The following SGCZ variants were observed in gnomAD, a reference collection of about 807,000 sequenced individuals.
SGCZ encodes the protein sarcoglycan zeta.
A neutral mutation model predicts 41.3 loss-of-function variants in SGCZ; 40 were observed. That is an observed-to-expected ratio of 0.97 (90% confidence interval 0.75 to 1.26). SGCZ has a LOEUF of 1.26. Among genes scored for constraint, SGCZ ranks in the 50% most tolerant of loss-of-function variants. SGCZ has a pLI of 0.00. For synonymous variants in SGCZ, 206 were observed against 137.5 expected (o/e 1.50, Z -3.49); for missense variants, 552 against 369.8 (o/e 1.49, Z -4.04).
chr8:14,087,709 A>AT lies in SGCZ; in HGVS notation c.*2733dup, dbSNP rs56942554. 0.039 allele frequency among the ~76,000 whole-genome samples: 4,820 copies of AT among 123,966 alleles called. 252 individuals carry two copies. Among genetic ancestry groups the AT allele is most frequent in the African/African-American group, 0.17 (4,553 of 26,098 alleles). 81.3% of individuals were successfully genotyped at this position (123,966 alleles called of 152,430 possible). A position where few individuals can be genotyped will look rare whatever the true frequency, so the allele number is the denominator to read the frequency against. ...TACTGTGCAATTAAGGGACCACTATATTTTTAAAAAAAAAAAAATGCTTTT... is the reference window on the plus strand; with the variant it reads ...TACTGTGCAATTAAGGGACCACTATATTTTTTAAAAAAAAAAAAATGCTTTT... On this transcript the variant is annotated 3_prime_UTR_variant, in exon 8 of 8. Coordinates refer to ENST00000382080, the MANE Select transcript of SGCZ (RefSeq NM_139167.4).
intron 2 of SGCZ, among the ~76,000 whole-genome samples, chr8:14,420,247 A>T (rs1799603120): frequency 6.6e-6 from 1 of 152,006 alleles, no homozygotes; most frequent in South Asian, 2.1e-4. Flanking sequence ...TGATTCTCCT[A>T]AAGAAGACTA....
At chr8:14,187,681 T>A (rs1396040177) in intron 4 of SGCZ, among the ~76,000 whole-genome samples, 2 of 151,306 alleles carry the variant, frequency 1.3e-5, no homozygotes, top group East Asian at 1.9e-4. Context: ...GAAAAAAGAA[T>A]GAAAAAAATG....
intron 2 of SGCZ, among the ~76,000 whole-genome samples, chr8:14,537,030 C>T (rs974406598): frequency 6.6e-6 from 1 of 151,886 alleles, no homozygotes; most frequent in African/African-American, 2.4e-5. Flanking sequence ...GATTTTAACA[C>T]AAGCCAGGCA....
At chr8:15,083,758 GT>G (rs1430065137) in intron 1 of SGCZ, among the ~76,000 whole-genome samples, 1 of 151,840 alleles carries the variant, frequency 6.6e-6, no homozygotes, top group East Asian at 1.9e-4. Flanking sequence ...TGTTGTTGTT[GT>G]TTTGTCTTGT....
chr8:14,246,006 A>G (rs1563209516), intron 3 of SGCZ, among the ~76,000 whole-genome samples: 1 of 152,198 alleles, frequency 6.6e-6, no homozygotes, highest in Non-Finnish European at 1.5e-5. Context: ...GTGGGACTGT[A>G]AACTAGTTCA....
chr8:14,472,348 G>A (rs1468687195), intron 2 of SGCZ, among the ~76,000 whole-genome samples: 3 of 152,078 alleles, frequency 2.0e-5, no homozygotes, highest in East Asian at 1.9e-4. Context: ...TTGAAAGCCA[G>A]AGAGGTATTT....
intron 1 of SGCZ, among the ~76,000 whole-genome samples, chr8:14,755,123 T>C (rs554698234): frequency 2.0e-5 from 3 of 152,292 alleles, no homozygotes; most frequent in African/African-American, 7.2e-5. Flanking sequence ...ATATATTTTT[T>C]CTGTAATTTT....
At chr8:15,159,332 G>GAA (rs77380784) in intron 1 of SGCZ, among the ~76,000 whole-genome samples, 2 of 151,756 alleles carry the variant, frequency 1.3e-5, no homozygotes, top group Admixed American at 1.3e-4. Context: ...ATAAGAAACT[G>GAA]AAAAAAACAT....
chr8:15,189,345 G>A (rs1357260757), intron 1 of SGCZ, among the ~76,000 whole-genome samples: 1 of 152,100 alleles, frequency 6.6e-6, no homozygotes, highest in Non-Finnish European at 1.5e-5. Context: ...GCAAACATAC[G>A]TTTTCTCTAG....
At position 14,090,227 on chromosome 8, in the gene SGCZ, C is replaced by G. The variant is rs1165042804; in HGVS notation, c.*216G>C. Reference sequence around the variant, plus strand: ...AGTCATGATCCAGTTTTCCTGCTGACGACGCTTTTTCCACTGCTGTGTCAA... The same window carrying G: ...AGTCATGATCCAGTTTTCCTGCTGAGGACGCTTTTTCCACTGCTGTGTCAA... On this transcript the variant is annotated 3_prime_UTR_variant, in exon 8 of 8. Transcript: ENST00000382080. 1 of 402,238 alleles carries G rather than the reference C, an allele frequency of 2.5e-6. No homozygotes were observed. The highest frequency in any genetic ancestry group is 4.3e-6 in the Non-Finnish European group (1 of 229,968). The allele number at this position is 402,238 out of a possible 1,614,324, so 24.9% of individuals were successfully genotyped here. A position where few individuals can be genotyped will look rare whatever the true frequency, so the allele number is the denominator to read the frequency against.
chr8:14,343,051 C>T (rs1479136256), intron 2 of SGCZ, among the ~76,000 whole-genome samples: 1 of 152,166 alleles, frequency 6.6e-6, no homozygotes, highest in East Asian at 1.9e-4. Context: ...AGGGTGGAAG[C>T]CCCAAGCCTT....
intron 3 of SGCZ, among the ~76,000 whole-genome samples, chr8:14,319,803 G>C (rs1166098904): frequency 6.6e-6 from 1 of 152,002 alleles, no homozygotes; most frequent in African/African-American, 2.4e-5. Flanking sequence ...CTGGAGAGCA[G>C]CTAATCATCT....
At chr8:14,606,806 T>G (rs545216735) in intron 1 of SGCZ, among the ~76,000 whole-genome samples, 3 of 152,320 alleles carry the variant, frequency 2.0e-5, no homozygotes, top group African/African-American at 7.2e-5. Context: ...GTTTATTTTT[T>G]GTTGCTGTTA....
At chr8:15,096,651 T>A (rs745838985) in intron 1 of SGCZ, among the ~76,000 whole-genome samples, 2 of 152,146 alleles carry the variant, frequency 1.3e-5, no homozygotes, top group African/African-American at 4.8e-5. Context: ...ATTGTAAATA[T>A]CTTTTTAATT....
intron 1 of SGCZ, among the ~76,000 whole-genome samples, chr8:14,906,134 G>A (rs1402400934): frequency 6.6e-6 from 1 of 152,004 alleles, no homozygotes; most frequent in African/African-American, 2.4e-5. Context: ...AATTAAACAT[G>A]GGGCTAATTA....
rs547718677 is a variant in SGCZ, at chr8:14,228,945, G to A, written c.424+8647C>T. Among the ~76,000 whole-genome samples, 9 of 152,248 alleles carry A rather than the reference G, an allele frequency of 5.9e-5. No individual in the cohort carries two copies. In the South Asian group the frequency reaches 6.2e-4, roughly 11 times the overall value. On this transcript the variant is annotated intron_variant, in intron 4 of 7. Transcript: ENST00000382080. ...GTAGAGGCCAATGCCATGCAAGAATGGTCTTTAGGACCACAGCACAGAGCA... is the reference window on the plus strand; with the variant it reads ...GTAGAGGCCAATGCCATGCAAGAATAGTCTTTAGGACCACAGCACAGAGCA...
chr8:14,726,764 T>C lies in SGCZ; in HGVS notation c.40-171838A>G, dbSNP rs529306960. On this transcript the variant is annotated intron_variant, in intron 1 of 7. Coordinates refer to ENST00000382080, the MANE Select transcript of SGCZ (RefSeq NM_139167.4). ...CAACAATATGATGTTTTGCATAAGG[T>C]AAGTTAATTCAGATATAAACAATAA... Among the ~76,000 whole-genome samples, 5 of 152,196 alleles carry C rather than the reference T, an allele frequency of 3.3e-5. No individual in the cohort carries two copies. The South Asian group carries it at 6.2e-4, about 19-fold the overall frequency.
chr8:14,556,063 G>A (rs1010195150), intron 1 of SGCZ, among the ~76,000 whole-genome samples: 2 of 151,748 alleles, frequency 1.3e-5, no homozygotes, highest in Non-Finnish European at 1.5e-5. Context: ...ATAAGCAAAT[G>A]CATTTTTTAC....
intron 1 of SGCZ, among the ~76,000 whole-genome samples, chr8:15,110,426 G>T (rs936446615): frequency 6.6e-6 from 1 of 152,214 alleles, no homozygotes; most frequent in Admixed American, 6.5e-5. Context: ...CCAGCTGAAT[G>T]CTGCATGAGA....
Sources: gnomAD v4.1 joint callset for allele counts (sites outside exome capture counted in the v4.1 genomes callset) on GRCh38, gnomAD v4.1.1 for gene constraint, MANE v1.5 for transcripts, NCBI Gene and HGNC (gene_info 2026-07-23, HGNC 2026-07-21) for gene names.